The following MINDY2 variants were observed in gnomAD, a reference collection of about 807,000 sequenced individuals.
MINDY2 encodes ubiquitin carboxyl-terminal hydrolase MINDY-2.
In MINDY2, 52 loss-of-function variants were observed where a neutral mutation model predicts 68.2. The observed-to-expected ratio is 0.76, with a 90% CI of 0.61 to 0.96. The LOEUF is 0.96. Ranked by LOEUF, MINDY2 falls within the 40% of genes least tolerant of loss-of-function variation. The probability of loss-of-function intolerance (pLI) is 0.00; values close to 1 mark genes in which losing one functional copy is unlikely to be tolerated. For missense variants in MINDY2, 881 were observed against 773.4 expected (o/e 1.14, Z -1.65); for synonymous variants, 372 against 303.0 (o/e 1.23, Z -2.36).
At chr15:58,780,780 T>C (rs1053793715) in intron 1 of MINDY2, among the ~76,000 whole-genome samples, 3 of 152,168 alleles carry the variant, frequency 2.0e-5, no homozygotes, top group African/African-American at 7.2e-5. Context: ...TTTCCCATTG[T>C]AGTTTATTAA....
chr15:58,831,899 A>C lies in MINDY2; in HGVS notation c.1351A>C (p.Thr451Pro). Residue 451 changes from threonine (T) to proline (P), a missense_variant, in exon 6 of 9, where the codon ACC becomes CCC. Coordinates refer to ENST00000559228, the MANE Select transcript of MINDY2 (RefSeq NM_001040450.3). The stretch of plus-strand genomic sequence containing the variant: ...GTTCTTTCGGAATAATCATTTTAGC[A>C]CCATGACCAAATACAAGGTATGATA... Reference protein sequence around the residue: ...CVFFRNNHFSTMTKYKGQLYL... With the variant: ...CVFFRNNHFSPMTKYKGQLYL... The C allele has an allele frequency of 6.2e-7, 1 of 1,612,620 alleles. No individual in the cohort carries two copies. Among genetic ancestry groups the C allele is most frequent in the Non-Finnish European group, 8.5e-7 (1 of 1,179,552 alleles).
intron 3 of MINDY2, among the ~76,000 whole-genome samples, chr15:58,806,089 G>A (rs910936262): frequency 1.1e-4 from 16 of 152,124 alleles, no homozygotes; most frequent in Non-Finnish European, 1.8e-4. Context: ...AACAACAAAA[G>A]AAAAGACAAA....
At chr15:58,800,940 C>A (rs150612380) in intron 2 of MINDY2, among the ~76,000 whole-genome samples, 1 of 151,682 alleles carries the variant, frequency 6.6e-6, no homozygotes, top group Non-Finnish European at 1.5e-5. Flanking sequence ...AGGGTAGAGA[C>A]AGATTAACCA....
chr15:58,850,921 T>G (rs1223539331), intron 7 of MINDY2, among the ~76,000 whole-genome samples: 2 of 152,118 alleles, frequency 1.3e-5, no homozygotes, highest in African/African-American at 2.4e-5. Flanking sequence ...GTTTTTAGCT[T>G]TCTTGGCTGC....
intron 6 of MINDY2, 121 bp downstream of exon 6, chr15:58,832,037 A>G: frequency 1.2e-6 from 1 of 850,436 alleles, no homozygotes; most frequent in Non-Finnish European, 1.7e-6. Context: ...CCATCAAATT[A>G]TGAAGGTAAT....
At chr15:58,793,568 TGTATC>T (rs1282602410) in intron 2 of MINDY2, among the ~76,000 whole-genome samples, 1 of 152,204 alleles carries the variant, frequency 6.6e-6, no homozygotes, top group Non-Finnish European at 1.5e-5. Flanking sequence ...GTGAGTAGCT[TGTATC>T]GTATGTGGAT....
intron 1 of MINDY2, among the ~76,000 whole-genome samples, chr15:58,778,886 C>G (rs182451519): frequency 6.9e-6 from 1 of 145,446 alleles, no homozygotes; most frequent in Non-Finnish European, 1.5e-5. Flanking sequence ...GATCTTGGCT[C>G]ACTGCAACCT....
At chr15:58,791,015 T>C (rs1290809179) in intron 2 of MINDY2, among the ~76,000 whole-genome samples, 1 of 150,754 alleles carries the variant, frequency 6.6e-6, no homozygotes, top group South Asian at 2.1e-4. Flanking sequence ...CCATCTCCAC[T>C]AAAAAATACA....
intron 2 of MINDY2, among the ~76,000 whole-genome samples, chr15:58,792,441 A>G (rs1477501638): frequency 6.6e-6 from 1 of 152,200 alleles, no homozygotes; most frequent in Non-Finnish European, 1.5e-5. Context: ...CCCCGTCTCT[A>G]CTAAGAACAT....
rs761014613 is a variant in MINDY2 at position 58,771,601 on chromosome 15, C to T, written c.206C>T (p.Pro69Leu). ...ARRSLPDSAS[P>L]AGSPEVPGPC... is the part of the protein sequence containing the mutation. ...AGGAGCCTCCCGGACTCGGCTTCTCCCGCGGGCTCTCCTGAGGTTCCCGGA... is the reference window on the plus strand; with the variant it reads ...AGGAGCCTCCCGGACTCGGCTTCTCTCGCGGGCTCTCCTGAGGTTCCCGGA... The change falls in exon 1 of 9, where the codon CCC becomes CTC. Residue 69 changes from proline (P) to leucine (L), a missense_variant. Transcript: ENST00000559228. 1.2e-6 allele frequency: 2 copies of T among 1,611,804 alleles called. No individual in the cohort carries two copies. The highest frequency in any genetic ancestry group is 1.3e-5 in the African/African-American group (1 of 74,902).
At chr15:58,801,866 C>T (rs1419719227) in intron 2 of MINDY2, among the ~76,000 whole-genome samples, 1 of 152,214 alleles carries the variant, frequency 6.6e-6, no homozygotes, top group Non-Finnish European at 1.5e-5. Context: ...GATCCACCCA[C>T]CTCAGCCTCC....
At position 58,830,643 on chromosome 15, in the gene MINDY2, A is replaced by G. The variant is rs146234067; in HGVS notation, c.1226-1131A>G. ...AGCACATGTATTTTCTCTATAAGGC[A>G]CATCACAGCCTTTGTCTACTGAATG... On this transcript the variant is annotated intron_variant, in intron 5 of 8. Coordinates refer to ENST00000559228, the MANE Select transcript of MINDY2 (RefSeq NM_001040450.3). 1.1e-4 allele frequency among the ~76,000 whole-genome samples: 16 copies of G among 152,290 alleles called. No individual in the cohort carries two copies. The East Asian group carries it at 2.9e-3, about 27-fold the overall frequency.
chr15:58,776,273 A>AT (rs1408148960), intron 1 of MINDY2, among the ~76,000 whole-genome samples: 1 of 152,126 alleles, frequency 6.6e-6, no homozygotes, highest in African/African-American at 2.4e-5. Context: ...AGAGTGACAA[A>AT]TTGCCAGCAG....
At chr15:58,847,865 G>A (rs1719595445) in intron 7 of MINDY2, among the ~76,000 whole-genome samples, 1 of 152,210 alleles carries the variant, frequency 6.6e-6, no homozygotes, top group African/African-American at 2.4e-5. Flanking sequence ...TTAGCCTTGG[G>A]TGGTAGAGAT....
intron 4 of MINDY2, among the ~76,000 whole-genome samples, chr15:58,819,669 GATTTCTTAGAATTGAAAATTC>G (rs1171245374): frequency 1.3e-5 from 2 of 152,184 alleles, no homozygotes; most frequent in East Asian, 3.9e-4. Context: ...TATTTTTGTG[GATTTCTTAGAATTGAAAATTC>G]AGATTATTTG....
chr15:58,776,375 A>G (rs58937576), intron 1 of MINDY2, among the ~76,000 whole-genome samples: 9,550 of 152,156 alleles, frequency 0.063, 1,051 homozygotes, highest in African/African-American at 0.22. Flanking sequence ...AGGAATAAAG[A>G]TTACACTGGG....
At chr15:58,846,112 A>G (rs2032520440) in intron 6 of MINDY2, among the ~76,000 whole-genome samples, 1 of 152,078 alleles carries the variant, frequency 6.6e-6, no homozygotes, top group South Asian at 2.1e-4. Flanking sequence ...AAAAAAGAAA[A>G]AACAGAATGA....
At chr15:58,782,909 C>CGGTTTT (rs1901239593) in intron 1 of MINDY2, among the ~76,000 whole-genome samples, 1 of 65,986 alleles carries the variant, frequency 1.5e-5, no homozygotes, top group Non-Finnish European at 3.2e-5. Flanking sequence ...TTTTTTCTCT[C>CGGTTTT]TGTTTTTTTT....
intron 4 of MINDY2, among the ~76,000 whole-genome samples, chr15:58,819,516 T>C (rs988769980): frequency 3.4e-4 from 52 of 152,028 alleles, no homozygotes; most frequent in African/African-American, 5.3e-4. Context: ...CAAAAATATT[T>C]TTATTTTATT....
Sources: allele counts gnomAD v4.1 joint callset (sites outside exome capture counted in the v4.1 genomes callset), GRCh38; gene constraint gnomAD v4.1.1; transcripts MANE v1.5; gene names NCBI Gene and HGNC (gene_info 2026-07-23, HGNC 2026-07-21).